The following PRKAR2B variants were observed in gnomAD, a reference collection of about 807,000 sequenced individuals.
The protein encoded by PRKAR2B is protein kinase cAMP-dependent type II regulatory subunit beta.
Under a neutral mutation model 49.9 loss-of-function variants are expected in PRKAR2B, and 14 were observed. The observed-to-expected ratio is 0.28, with a 90% CI of 0.19 to 0.44. The LOEUF (loss-of-function observed/expected upper bound fraction) is 0.44, where lower values mean the gene tolerates loss of function less well. PRKAR2B is among the 20% of genes least tolerant of loss of function. The pLI, the probability that PRKAR2B is intolerant of heterozygous loss-of-function variation, is 1.00. For synonymous variants in PRKAR2B, 196 were observed against 197.7 expected (o/e 0.99, Z 0.07); for missense variants, 393 against 537.9 (o/e 0.73, Z 2.67).
chr7:107,072,307 G>A (rs1362241885), intron 2 of PRKAR2B, among the ~76,000 whole-genome samples: 1 of 151,864 alleles, frequency 6.6e-6, no homozygotes, highest in Non-Finnish European at 1.5e-5. Context: ...GAGTAAAATT[G>A]TTATCCCAAT....
At chr7:107,140,743 A>C (rs1795776883) in intron 4 of PRKAR2B, 104 bp from the exon 5 acceptor site, 1 of 731,974 alleles carries the variant, frequency 1.4e-6, no homozygotes, top group African/African-American at 1.8e-5. Flanking sequence ...AGTTATGATT[A>C]TTTCCATTTC....
rs572135327 is a variant in PRKAR2B, at chr7:107,059,324, G to C, written c.308-10957G>C. Among the ~76,000 whole-genome samples, 30 of 152,036 alleles carry C rather than the reference G, an allele frequency of 2.0e-4. No individual in the cohort carries two copies. The South Asian group carries it at 6.2e-3, about 32-fold the overall frequency. ...TTTAAAATATACCACATGTGCAGTA[G>C]GAGGAGGCCCCTCGTGTACTCTCTC... is the stretch of plus-strand genomic sequence containing the variant. On this transcript the variant is annotated intron_variant, in intron 1 of 10. Coordinates refer to ENST00000265717, the MANE Select transcript of PRKAR2B (RefSeq NM_002736.3).
Position 107,161,414 on chromosome 7 carries a change from A to G in PRKAR2B, c.*1832A>G, listed in dbSNP as rs1307972869. On this transcript the variant is annotated 3_prime_UTR_variant, in exon 11 of 11. Transcript: ENST00000265717. The stretch of plus-strand genomic sequence containing the variant: ...AACGCCTGTTTAATAAAGAACTTTG[A>G]CCAAGGCTATAAATGCCACGTACAT... The G allele has an allele frequency of 6.5e-6, 1 of 152,672 alleles. No individual in the cohort carries two copies. The highest frequency in any genetic ancestry group is 2.4e-5 in the African/African-American group (1 of 41,474). The allele number at this position is 152,672 out of a possible 1,614,324, so 9.5% of individuals were successfully genotyped here. A position where few individuals can be genotyped will look rare whatever the true frequency, so the allele number is the denominator to read the frequency against.
At chr7:107,104,112 A>G (rs766510038) in intron 2 of PRKAR2B, among the ~76,000 whole-genome samples, 1 of 151,850 alleles carries the variant, frequency 6.6e-6, no homozygotes, top group Non-Finnish European at 1.5e-5. Context: ...GCTTACTGCA[A>G]CCTCCGCCTC....
At position 107,159,630 on chromosome 7, in the gene PRKAR2B, G is replaced by T; in HGVS notation, c.*48G>T. 6.3e-7 allele frequency: 1 copy of T among 1,587,320 alleles called. No homozygotes were observed. Among genetic ancestry groups the T allele is most frequent in the Non-Finnish European group, 8.6e-7 (1 of 1,161,600 alleles). On this transcript the variant is annotated 3_prime_UTR_variant, in exon 11 of 11. Transcript: ENST00000265717. ...TGTAGTGACAAAATTACACAGTAGTGGTTAGTCCACTGAGAATGTGTTTGT... is the reference window on the plus strand; with the variant it reads ...TGTAGTGACAAAATTACACAGTAGTTGTTAGTCCACTGAGAATGTGTTTGT...
chr7:107,108,418 G>T (rs1250989744), intron 2 of PRKAR2B, among the ~76,000 whole-genome samples: 3 of 152,204 alleles, frequency 2.0e-5, no homozygotes, highest in Non-Finnish European at 4.4e-5. Flanking sequence ...GAGACAAAAA[G>T]ATTTGAGAGA....
intron 3 of PRKAR2B, among the ~76,000 whole-genome samples, chr7:107,126,331 G>A (rs1795489021): frequency 6.8e-6 from 1 of 148,030 alleles, no homozygotes; most frequent in African/African-American, 2.5e-5. Context: ...TGAGGCAGGA[G>A]AATGGCGTGA....
intron 2 of PRKAR2B, among the ~76,000 whole-genome samples, chr7:107,118,943 T>TA (rs1167797024): frequency 4.6e-5 from 7 of 152,146 alleles, no homozygotes; most frequent in African/African-American, 1.7e-4. Flanking sequence ...TGCCAAGAAC[T>TA]AAGTCCTTGT....
At chr7:107,138,175 T>C (rs1008460913) in intron 4 of PRKAR2B, among the ~76,000 whole-genome samples, 1 of 152,196 alleles carries the variant, frequency 6.6e-6, no homozygotes, top group Admixed American at 6.5e-5. Flanking sequence ...TACATGTCTT[T>C]ACACATTTGT....
intron 2 of PRKAR2B, among the ~76,000 whole-genome samples, chr7:107,070,727 G>A (rs968296365): frequency 6.6e-6 from 1 of 152,120 alleles, no homozygotes; most frequent in Non-Finnish European, 1.5e-5. Context: ...AATTGAGTGA[G>A]TGTTTTTTTG....
intron 2 of PRKAR2B, among the ~76,000 whole-genome samples, chr7:107,083,275 T>G (rs1794550347): frequency 6.6e-6 from 1 of 152,098 alleles, no homozygotes; most frequent in South Asian, 2.1e-4. Flanking sequence ...CTGAGGGAAT[T>G]TTATCAAGGA....
chr7:107,128,035 G>T (rs1355707132), intron 3 of PRKAR2B, among the ~76,000 whole-genome samples, 177 bp from the exon 4 acceptor site: 1 of 152,178 alleles, frequency 6.6e-6, no homozygotes, highest in Non-Finnish European at 1.5e-5. Context: ...CCCCTACTTG[G>T]TAGGCTCATA....
At chr7:107,159,392 G>T in intron 10 of PRKAR2B, 57 bp from the exon 11 acceptor site, 1 of 1,577,814 alleles carries the variant, frequency 6.3e-7, no homozygotes, top group South Asian at 1.1e-5. Context: ...AAATGACTTA[G>T]AAATTCTGCA....
intron 1 of PRKAR2B, among the ~76,000 whole-genome samples, chr7:107,056,008 G>A (rs1037876229): frequency 1.3e-5 from 2 of 152,150 alleles, no homozygotes; most frequent in African/African-American, 4.8e-5. Flanking sequence ...TGTAAGGAAG[G>A]GATCCAGTTT....
chr7:107,093,757 C>T (rs977832712), intron 2 of PRKAR2B, among the ~76,000 whole-genome samples: 2 of 150,146 alleles, frequency 1.3e-5, no homozygotes, highest in African/African-American at 2.5e-5. Context: ...TGAGAACATG[C>T]GGTGTTTGGT....
chr7:107,094,722 A>G (rs923484395), intron 2 of PRKAR2B, among the ~76,000 whole-genome samples: 1 of 152,244 alleles, frequency 6.6e-6, no homozygotes, highest in African/African-American at 2.4e-5. Flanking sequence ...AGCTTTCTGC[A>G]TATGGCTAAC....
Position 107,151,043 on chromosome 7 carries a change from T to G in PRKAR2B, c.843+20T>G, listed in dbSNP as rs1359540666. 7.3e-7 allele frequency: 1 copy of G among 1,369,596 alleles called. No individual in the cohort carries two copies. Among genetic ancestry groups the G allele is most frequent in the Non-Finnish European group, 9.9e-7 (1 of 1,013,188 alleles). The allele number at this position is 1,369,596 out of a possible 1,614,324, so 84.8% of individuals were successfully genotyped here. On this transcript the variant is annotated intron_variant, in intron 7 of 10. Transcript: ENST00000265717. ...TTGGAGGTAAGTATATGTTTATGCTTTTATTTTATTTTGCTTTAAAAGTTT... is the reference window on the plus strand; with the variant it reads ...TTGGAGGTAAGTATATGTTTATGCTGTTATTTTATTTTGCTTTAAAAGTTT...
chr7:107,134,451 A>G (rs894272696), intron 4 of PRKAR2B, among the ~76,000 whole-genome samples: 1 of 152,236 alleles, frequency 6.6e-6, no homozygotes, highest in African/African-American at 2.4e-5. Context: ...ATGTATTATA[A>G]AGCTAAATCA....
At chr7:107,106,931 T>G (rs1795083948) in intron 2 of PRKAR2B, among the ~76,000 whole-genome samples, 1 of 152,092 alleles carries the variant, frequency 6.6e-6, no homozygotes, top group Non-Finnish European at 1.5e-5. Context: ...AGTTGTCCCT[T>G]AAGTCAAGAT....
Sources: gnomAD v4.1 joint callset for allele counts (sites outside exome capture counted in the v4.1 genomes callset) on GRCh38, gnomAD v4.1.1 for gene constraint, MANE v1.5 for transcripts, NCBI Gene and HGNC (gene_info 2026-07-23, HGNC 2026-07-21) for gene names.